The following CBFB variants were observed in gnomAD, a reference collection of about 807,000 sequenced individuals.
CBFB encodes the protein CBF-beta.
A neutral mutation model predicts 30.4 loss-of-function variants in CBFB; 9 were observed. The ratio of observed to expected loss-of-function variants is 0.30; its 90% CI spans 0.18 to 0.52. The LOEUF (loss-of-function observed/expected upper bound fraction) is 0.52, where lower values mean the gene tolerates loss of function less well. Among genes scored for constraint, CBFB ranks in the 20% least tolerant of loss-of-function variants. The probability of loss-of-function intolerance (pLI) is 0.97; values close to 1 mark genes in which losing one functional copy is unlikely to be tolerated. For synonymous variants in CBFB, 94 were observed against 84.0 expected (o/e 1.12, Z -0.65); for missense variants, 170 against 244.0 (o/e 0.70, Z 2.02).
chr16:67,048,585 C>G lies in CBFB; in HGVS notation c.282+11830C>G, dbSNP rs542815757. On this transcript the variant is annotated intron_variant, in intron 3 of 5. Transcript: ENST00000412916. Reference sequence around the variant, plus strand: ...TGTTTGTTTGAGACAGAGTCTCGCTCTGTTGTCGAGGCTGGAGTGCAGTGG... The same window carrying G: ...TGTTTGTTTGAGACAGAGTCTCGCTGTGTTGTCGAGGCTGGAGTGCAGTGG... Among the ~76,000 whole-genome samples, 28 of 152,246 alleles carry G rather than the reference C, an allele frequency of 1.8e-4. No homozygotes were observed. In the South Asian group the frequency reaches 5.2e-3, roughly 28 times the overall value.
At chr16:67,036,442 G>A in intron 2 of CBFB, 197 bp from the exon 3 acceptor site, 1 of 511,154 alleles carries the variant, frequency 2.0e-6, no homozygotes, top group African/African-American at 1.9e-5. Flanking sequence ...GCAGCCAATG[G>A]CAAATGTCCT....
At chr16:67,050,817 T>C (rs1245189280) in intron 3 of CBFB, among the ~76,000 whole-genome samples, 1 of 151,996 alleles carries the variant, frequency 6.6e-6, no homozygotes, top group Non-Finnish European at 1.5e-5. Flanking sequence ...TTTAAAAAAA[T>C]AAAGTGGAAC....
In CBFB at chr16:67,101,046, T is replaced by C. The variant is rs1597169700; in HGVS notation, c.*2268T>C. Reference sequence around the variant, plus strand: ...TTAATTTACTTTCACAATAAACTTCTGTGTAGTAAAAACAGGGTCTTGGCT... The same window carrying C: ...TTAATTTACTTTCACAATAAACTTCCGTGTAGTAAAAACAGGGTCTTGGCT... On this transcript the variant is annotated 3_prime_UTR_variant, in exon 6 of 6. Transcript: ENST00000412916. 3.9e-5 allele frequency: 7 copies of C among 179,896 alleles called. No individual in the cohort carries two copies. In the East Asian group the frequency reaches 6.5e-4, roughly 17 times the overall value. 11.1% of individuals were successfully genotyped at this position (179,896 alleles called of 1,614,324 possible).
rs552799041 is a variant in CBFB, at chr16:67,090,319, CACAG to C, written c.495+8014_495+8017del. On this transcript the variant is annotated intron_variant, in intron 5 of 5. Coordinates refer to ENST00000412916, the MANE Select transcript of CBFB (RefSeq NM_022845.3). ...AAGGCTTTTAAAAATAAAAAATAAT[CACAG>C]ACGTTACTTTTGTGAAATGCTCTCC... Among the ~76,000 whole-genome samples the C allele has an allele frequency of 3.1e-3, 469 of 152,298 alleles. 1 individual carries two copies. The highest frequency in any genetic ancestry group is 4.8e-3 in the Non-Finnish European group (325 of 68,028).
At chr16:67,029,916 CTGAG>C (rs1361363496) in intron 2 of CBFB, 103 bp downstream of exon 2, 1 of 669,366 alleles carries the variant, frequency 1.5e-6, no homozygotes, top group Non-Finnish European at 2.3e-6. Context: ...GCTCCCGGAA[CTGAG>C]TGGGCGCCGT....
chr16:67,083,997 C>T (rs966217619), intron 5 of CBFB, among the ~76,000 whole-genome samples: 7 of 151,282 alleles, frequency 4.6e-5, no homozygotes, highest in Non-Finnish European at 1.0e-4. Context: ...AGCAAGCCCC[C>T]ATCTCTGCAA....
At chr16:67,071,362 G>A (rs965971780) in intron 4 of CBFB, among the ~76,000 whole-genome samples, 2 of 152,110 alleles carry the variant, frequency 1.3e-5, no homozygotes, top group African/African-American at 2.4e-5. Context: ...AGATAAAGGC[G>A]TAAGAGTGGG....
intron 4 of CBFB, among the ~76,000 whole-genome samples, chr16:67,075,797 GA>G (rs1961379906): frequency 6.6e-6 from 1 of 152,180 alleles, no homozygotes; most frequent in African/African-American, 2.4e-5. Flanking sequence ...CAATATGTGT[GA>G]GTTCCTCAAA....
intron 3 of CBFB, among the ~76,000 whole-genome samples, chr16:67,056,535 C>T (rs1481958427): frequency 6.6e-6 from 1 of 152,002 alleles, no homozygotes; most frequent in Non-Finnish European, 1.5e-5. Context: ...TGTGTGTAGG[C>T]TTAATGGTTT....
At chr16:67,030,074 A>T in intron 2 of CBFB, 1 of 397,920 alleles carries the variant, frequency 2.5e-6, no homozygotes, top group Non-Finnish European at 4.4e-6. Flanking sequence ...GAGCCAGACT[A>T]AACAAGCGAA....
intron 4 of CBFB, among the ~76,000 whole-genome samples, chr16:67,074,998 G>C (rs1279951434): frequency 6.6e-6 from 1 of 152,022 alleles, no homozygotes; most frequent in Non-Finnish European, 1.5e-5. Context: ...TTGGAGACCA[G>C]CCTGGTATGG....
chr16:67,066,249 C>G (rs1052586730), intron 3 of CBFB, among the ~76,000 whole-genome samples: 3 of 151,806 alleles, frequency 2.0e-5, no homozygotes, highest in African/African-American at 4.8e-5. Flanking sequence ...ACCCAACATT[C>G]AAAAATCAAA....
rs182754060 is a variant in CBFB at position 67,099,635 on chromosome 16, A to G, written c.*857A>G. ...TGTAATCATGAGTTTGGTTGGAGAT[A>G]TTCTCCATAGATGATCTTCTACTGA... On this transcript the variant is annotated 3_prime_UTR_variant, in exon 6 of 6. Transcript: ENST00000412916. 3.2e-3 allele frequency: 643 copies of G among 202,722 alleles called. 1 individual carries two copies. Among genetic ancestry groups the G allele is most frequent in the Non-Finnish European group, 5.2e-3 (512 of 98,448 alleles). The allele number at this position is 202,722 out of a possible 1,614,324, so 12.6% of individuals were successfully genotyped here.
chr16:67,037,081 T>C (rs1966452617), intron 3 of CBFB, among the ~76,000 whole-genome samples: 1 of 152,074 alleles, frequency 6.6e-6, no homozygotes. Context: ...GTATTTTTAG[T>C]GGAGATGGGG....
At chr16:67,045,944 C>T (rs1283643870) in intron 3 of CBFB, among the ~76,000 whole-genome samples, 3 of 151,558 alleles carry the variant, frequency 2.0e-5, no homozygotes, top group African/African-American at 4.8e-5. Flanking sequence ...TACAGGCACC[C>T]GCCACCACAC....
intron 3 of CBFB, among the ~76,000 whole-genome samples, chr16:67,053,819 T>C (rs1483830108): frequency 1.3e-5 from 2 of 151,468 alleles, no homozygotes; most frequent in Non-Finnish European, 2.9e-5. Flanking sequence ...GCTTCTAGGC[T>C]CACCATGACC....
In CBFB at chr16:67,099,601, C is replaced by G. The variant is rs561510596; in HGVS notation, c.*823C>G. ...TGTACTCTGCCCTAGATTGTTTTAG[C>G]TTCTGTTCTGTAATCATGAGTTTGG... On this transcript the variant is annotated 3_prime_UTR_variant, in exon 6 of 6. Coordinates refer to ENST00000412916, the MANE Select transcript of CBFB (RefSeq NM_022845.3). 2 of 201,746 alleles carry G rather than the reference C, an allele frequency of 9.9e-6. No homozygotes were observed. Among genetic ancestry groups the G allele is most frequent in the South Asian group, 1.9e-4 (1 of 5,238 alleles). 12.5% of individuals were successfully genotyped at this position (201,746 alleles called of 1,614,324 possible). A position where few individuals can be genotyped will look rare whatever the true frequency, so the allele number is the denominator to read the frequency against.
intron 2 of CBFB, among the ~76,000 whole-genome samples, chr16:67,032,370 A>C (rs149190791): frequency 6.6e-6 from 1 of 152,302 alleles, no homozygotes; most frequent in African/African-American, 2.4e-5. Context: ...ACAAGTTTTA[A>C]ATTTCTGAGA....
chr16:67,066,750 A>C lies in CBFB; in HGVS notation c.351A>C (p.Gln117His), dbSNP rs1361619079. 6.2e-7 allele frequency: 1 copy of C among 1,610,758 alleles called. No homozygotes were observed. ...TCTGGAAAGGCTGGATTGATCTCCA[A>C]AGACTGGATGGTATGGGCTGTCTGG... Reference protein sequence around the residue: ...CVIWKGWIDLQRLDGMGCLEF... With the variant: ...CVIWKGWIDLHRLDGMGCLEF... The change falls in exon 4 of 6, where the codon CAA (glutamine) becomes CAC (histidine). Residue 117 changes from glutamine to histidine, a missense_variant. Gln to His is a conservative substitution (Grantham distance 24, BLOSUM62 0). Transcript: ENST00000412916.
Sources: gnomAD v4.1 joint callset for allele counts (sites outside exome capture counted in the v4.1 genomes callset) on GRCh38, gnomAD v4.1.1 for gene constraint, MANE v1.5 for transcripts, NCBI Gene and HGNC (gene_info 2026-07-23, HGNC 2026-07-21) for gene names.